The following AFF3 variants were observed in gnomAD, a reference collection of about 807,000 sequenced individuals.
AFF3 encodes the protein ALF transcription elongation factor 3.
A neutral mutation model predicts 129.7 loss-of-function variants in AFF3; 32 were observed. That is an observed-to-expected ratio of 0.25 (90% CI 0.19 to 0.33). The LOEUF is 0.33. Ranked by LOEUF, AFF3 falls within the 10% of genes least tolerant of loss-of-function variation. The pLI, the probability that AFF3 is intolerant of heterozygous loss-of-function variation, is 1.00. For missense variants in AFF3, 1,373 were observed against 1,592.0 expected (o/e 0.86, Z 2.34); for synonymous variants, 644 against 635.4 (o/e 1.01, Z -0.20).
intron 8 of AFF3, among the ~76,000 whole-genome samples, chr2:99,758,227 C>T (rs1682278409): frequency 6.6e-6 from 1 of 152,130 alleles, no homozygotes; most frequent in Non-Finnish European, 1.5e-5. Flanking sequence ...GTTAGCAGTC[C>T]ACCCTCCACA....
At chr2:100,051,462 T>C (rs528931331) in intron 4 of AFF3, among the ~76,000 whole-genome samples, 1 of 152,282 alleles carries the variant, frequency 6.6e-6, no homozygotes, top group South Asian at 2.1e-4. Context: ...TGAAAATAGA[T>C]ATTCTGTCTC....
At chr2:100,105,723 T>A in intron 2 of AFF3, 140 bp from the exon 3 acceptor site, 1 of 1,361,634 alleles carries the variant, frequency 7.3e-7, no homozygotes. Flanking sequence ...CTACCTCTGC[T>A]TCTCCACAGT....
intron 8 of AFF3, among the ~76,000 whole-genome samples, chr2:99,757,228 G>C (rs574874404): frequency 3.9e-4 from 60 of 152,270 alleles, no homozygotes; most frequent in African/African-American, 1.4e-3. Flanking sequence ...AGCACATCCA[G>C]GTCTAACGTG....
intron 4 of AFF3, among the ~76,000 whole-genome samples, chr2:100,062,456 G>GT (rs1687368488): frequency 1.3e-5 from 2 of 152,194 alleles, no homozygotes; most frequent in South Asian, 4.1e-4. Flanking sequence ...GGAACAAACA[G>GT]TAACAACCAA....
intron 13 of AFF3, among the ~76,000 whole-genome samples, chr2:99,627,749 A>C (rs1402827045): frequency 6.6e-6 from 1 of 152,024 alleles, no homozygotes; most frequent in African/African-American, 2.4e-5. Flanking sequence ...GATTTTTGTA[A>C]ATGGTATAAG....
chr2:99,890,546 G>A (rs1337459920), intron 7 of AFF3, among the ~76,000 whole-genome samples: 2 of 152,228 alleles, frequency 1.3e-5, no homozygotes, highest in Non-Finnish European at 2.9e-5. Context: ...TGAATGCTCA[G>A]AGGTCAGAGT....
At chr2:99,707,404 G>C in intron 11 of AFF3, 17 of 985,254 alleles carry the variant, frequency 1.7e-5, no homozygotes, top group Non-Finnish European at 2.0e-5. Flanking sequence ...TTTTTAAACA[G>C]AGGTAAATTC....
At chr2:99,694,704 A>AT (rs142893716) in intron 11 of AFF3, among the ~76,000 whole-genome samples, 1 of 152,156 alleles carries the variant, frequency 6.6e-6, no homozygotes, top group African/African-American at 2.4e-5. Flanking sequence ...AACCCAACGA[A>AT]TTTTTTTGTT....
intron 7 of AFF3, among the ~76,000 whole-genome samples, chr2:99,889,941 T>C (rs969194538): frequency 1.3e-5 from 2 of 152,202 alleles, no homozygotes; most frequent in Non-Finnish European, 2.9e-5. Flanking sequence ...ATTACAGGCA[T>C]GAGCCACCGC....
chr2:99,558,857 T>C lies in AFF3; in HGVS notation c.3285+18A>G. On this transcript the variant is annotated intron_variant, in intron 22 of 24. Coordinates refer to ENST00000672756, the MANE Select transcript of AFF3 (RefSeq NM_001386135.1). ...AAGTGAAATTAAGGAACAATTCTGC[T>C]CATTCACTAGACAGTACCTTGAAAT... 1.2e-6 allele frequency: 2 copies of C among 1,607,732 alleles called. No homozygotes were observed. The highest frequency in any genetic ancestry group is 1.7e-6 in the Non-Finnish European group (2 of 1,174,428).
At chr2:99,990,191 G>A (rs1215652763) in intron 7 of AFF3, among the ~76,000 whole-genome samples, 2 of 152,028 alleles carry the variant, frequency 1.3e-5, no homozygotes, top group African/African-American at 4.8e-5. Flanking sequence ...AGTTCGAGGA[G>A]GTTTCCGTTG....
At chr2:99,892,023 C>G (rs1019174192) in intron 7 of AFF3, among the ~76,000 whole-genome samples, 6 of 152,226 alleles carry the variant, frequency 3.9e-5, no homozygotes, top group South Asian at 2.1e-4. Context: ...AGGGTTTCAC[C>G]GTATTAGCCA....
chr2:100,076,824 T>C (rs185163425), intron 4 of AFF3, among the ~76,000 whole-genome samples: 20 of 152,362 alleles, frequency 1.3e-4, no homozygotes, highest in African/African-American at 3.8e-4. Context: ...GTCCCAGCTC[T>C]GTAATGCTAT....
chr2:99,879,078 C>G (rs1026811234), intron 7 of AFF3, among the ~76,000 whole-genome samples: 1 of 152,106 alleles, frequency 6.6e-6, no homozygotes, highest in Non-Finnish European at 1.5e-5. Flanking sequence ...AGTGATAACT[C>G]ATAGGGTTGA....
At position 99,882,224 on chromosome 2, in the gene AFF3, A is replaced by T. The variant is rs78800497; in HGVS notation, c.874-44700T>A. Among the ~76,000 whole-genome samples the T allele has an allele frequency of 1.2e-4, 18 of 152,310 alleles. No individual in the cohort carries two copies. The East Asian group carries it at 2.1e-3, about 18-fold the overall frequency. ...ACATATATAAAATGAAGACACAAGTAACTGCACTGTTGAGGTTTGCCTGAT... is the reference window on the plus strand; with the variant it reads ...ACATATATAAAATGAAGACACAAGTTACTGCACTGTTGAGGTTTGCCTGAT... On this transcript the variant is annotated intron_variant, in intron 7 of 24. Transcript: ENST00000672756.
intron 4 of AFF3, among the ~76,000 whole-genome samples, chr2:100,099,356 C>T (rs1690541265): frequency 6.6e-6 from 1 of 152,228 alleles, no homozygotes; most frequent in East Asian, 1.9e-4. Flanking sequence ...CTGGCCTGCG[C>T]ATGCCCCCTG....
chr2:99,696,802 C>T (rs1364293902), intron 11 of AFF3, among the ~76,000 whole-genome samples: 1 of 152,110 alleles, frequency 6.6e-6, no homozygotes, highest in African/African-American at 2.4e-5. Context: ...CGCCACCATG[C>T]CCAGCTAATT....
chr2:99,582,911 C>G lies in AFF3; in HGVS notation c.2680G>C (p.Glu894Gln). ...GGTCGGCTGGAAGAAGTTAAGTCCT[C>G]GCTGGTGTATTTGTGTTTAGATGCA... ...SDASKHKYTS[E>Q]DLTSSSRPNG... Residue 894 changes from glutamate to glutamine, a missense_variant, in exon 17 of 25, where the codon GAG (glutamate) becomes CAG (glutamine). Around this residue, in one of 9 missense-constraint regions of AFF3, gnomAD observed 466 missense variants for 505.0 expected, o/e 0.92. Transcript: ENST00000672756. The G allele has an allele frequency of 1.2e-6, 2 of 1,614,090 alleles. No homozygotes were observed. Among genetic ancestry groups the G allele is most frequent in the Non-Finnish European group, 1.7e-6 (2 of 1,180,010 alleles).
chr2:99,792,256 T>G (rs1685247347), intron 8 of AFF3, among the ~76,000 whole-genome samples: 1 of 152,110 alleles, frequency 6.6e-6, no homozygotes, highest in South Asian at 2.1e-4. Context: ...AGAGGATCAC[T>G]CGAAGCCAGG....
Sources: allele counts gnomAD v4.1 joint callset (sites outside exome capture counted in the v4.1 genomes callset), GRCh38; gene constraint gnomAD v4.1.1; regional missense constraint gnomAD v4.1.1; transcripts MANE v1.5; gene names NCBI Gene and HGNC (gene_info 2026-07-23, HGNC 2026-07-21).